The following RIPK4 variants were observed in gnomAD, a reference collection of about 807,000 sequenced individuals.
RIPK4 encodes the protein receptor-interacting serine/threonine-protein kinase 4.
RIPK4 carries 17 observed loss-of-function variants against 42.9 expected under a neutral mutation model. The ratio of observed to expected loss-of-function variants is 0.40; its 90% confidence interval spans 0.27 to 0.59. The LOEUF is 0.59. Ranked by LOEUF, RIPK4 falls within the 20% of genes least tolerant of loss-of-function variation. The pLI is 0.47. For missense variants in RIPK4, 897 were observed against 1,104.4 expected (o/e 0.81, Z 2.66); for synonymous variants, 498 against 499.1 (o/e 1.00, Z 0.03).
intron 2 of RIPK4, among the ~76,000 whole-genome samples, chr21:41,754,949 G>A (rs3850703): frequency 0.099 from 15,039 of 152,280 alleles, 1,006 homozygotes; most frequent in South Asian, 0.2. Context: ...AGAGGCCACC[G>A]TCCACTCTGC....
chr21:41,757,218 A>C (rs751563091), intron 1 of RIPK4, among the ~76,000 whole-genome samples: 8 of 152,168 alleles, frequency 5.3e-5, no homozygotes, highest in Admixed American at 6.5e-5. Context: ...CGTTCCACTC[A>C]AGGTTGTAAC....
chr21:41,749,347 T>A, intron 3 of RIPK4, 144 bp from the exon 4 acceptor site: 1 of 789,160 alleles, frequency 1.3e-6, no homozygotes. Flanking sequence ...CTCCTGTTTT[T>A]AAAAAGAGAA....
At chr21:41,763,773 T>TG (rs1414721763) in intron 1 of RIPK4, among the ~76,000 whole-genome samples, 1 of 152,212 alleles carries the variant, frequency 6.6e-6, no homozygotes, top group African/African-American at 2.4e-5. Flanking sequence ...ACCTGGGGTT[T>TG]GCTCAGGCTC....
In RIPK4 at chr21:41,755,575, A is replaced by G. The variant is rs758204388; in HGVS notation, c.474+950T>C. ...CTGGAAGTGCTGTGCCACCAGGAAC[A>G]GTAGCACAGCCAAGCCAGGCAGGGG... On this transcript the variant is annotated intron_variant, in intron 2 of 7. Coordinates refer to ENST00000332512, the MANE Select transcript of RIPK4 (RefSeq NM_020639.3). This position sits in a 1 kb window ranked among gnomAD's most constrained non-coding sequence, Gnocchi z 4.2. Among the ~76,000 whole-genome samples, 1 of 152,166 alleles carries G rather than the reference A, an allele frequency of 6.6e-6. No individual in the cohort carries two copies. Among genetic ancestry groups the G allele is most frequent in the Non-Finnish European group, 1.5e-5 (1 of 68,016 alleles).
Position 41,741,987 on chromosome 21 carries a change from G to T in RIPK4, c.1206C>A (p.Thr402=). Residue 402 remains threonine (T), a synonymous_variant, in exon 8 of 8, where the codon ACC becomes ACA. Transcript: ENST00000332512. ...EREPSTSDLG[T]TDVQKKKLVD... is the part of the protein sequence containing the mutation. ...CAAGCTTCTTCTTCTGGACGTCTGTGGTGCCCAGATCTGCAGGGAGAGGAG... is the reference window on the plus strand; with the variant it reads ...CAAGCTTCTTCTTCTGGACGTCTGTTGTGCCCAGATCTGCAGGGAGAGGAG... 6.3e-7 allele frequency: 1 copy of T among 1,593,904 alleles called. No individual in the cohort carries two copies. The highest frequency in any genetic ancestry group is 8.6e-7 in the Non-Finnish European group (1 of 1,168,032).
chr21:41,760,786 T>C (rs572188030), intron 1 of RIPK4, among the ~76,000 whole-genome samples: 1 of 152,128 alleles, frequency 6.6e-6, no homozygotes, highest in East Asian at 1.9e-4. Flanking sequence ...AGGTCGAGTG[T>C]GTCTGAATAC....
At chr21:41,766,182 G>GACGGATCAACACCCCGGGCCC (rs2061235602) in intron 1 of RIPK4, among the ~76,000 whole-genome samples, 1 of 152,200 alleles carries the variant, frequency 6.6e-6, no homozygotes, top group African/African-American at 2.4e-5. Flanking sequence ...GCGCTGGGCG[G>GACGGATCAACACCCCGGGCCC]ACGGATCAAC....
At chr21:41,757,101 G>A (rs1320924456) in intron 1 of RIPK4, among the ~76,000 whole-genome samples, 4 of 152,210 alleles carry the variant, frequency 2.6e-5, no homozygotes, top group South Asian at 2.1e-4. Context: ...GGGGGTCCAC[G>A]TGTGTGAATA....
intron 1 of RIPK4, among the ~76,000 whole-genome samples, chr21:41,762,800 C>G (rs925891305): frequency 2.0e-5 from 3 of 150,588 alleles, no homozygotes; most frequent in African/African-American, 7.3e-5. Flanking sequence ...CATTTTAACA[C>G]GTGGAGAGAT....
At chr21:41,744,434 A>C (rs929915794) in intron 6 of RIPK4, among the ~76,000 whole-genome samples, 2 of 152,072 alleles carry the variant, frequency 1.3e-5, no homozygotes, top group African/African-American at 4.8e-5. Context: ...GGATGCTCAG[A>C]CTCTGCACCC....
chr21:41,745,716 G>A (rs367750820), intron 6 of RIPK4, 43 bp downstream of exon 6: 11 of 1,476,648 alleles, frequency 7.4e-6, no homozygotes, highest in Non-Finnish European at 9.5e-6. Flanking sequence ...CTCCTGCCTG[G>A]AAGCCGAGGA....
intron 2 of RIPK4, among the ~76,000 whole-genome samples, chr21:41,756,053 C>T (rs1267243359): frequency 1.3e-5 from 2 of 152,240 alleles, no homozygotes; most frequent in Non-Finnish European, 2.9e-5. Context: ...CCTCACAAGC[C>T]TCTTTCCACA....
intron 1 of RIPK4, among the ~76,000 whole-genome samples, chr21:41,758,027 T>A (rs1329573815): frequency 1.7e-3 from 136 of 78,194 alleles, no homozygotes; most frequent in African/African-American, 9.8e-3. Flanking sequence ...AAAAAATATA[T>A]ATATATATAT....
chr21:41,766,348 CTAAG>C (rs1243501145), intron 1 of RIPK4, among the ~76,000 whole-genome samples: 3 of 152,236 alleles, frequency 2.0e-5, no homozygotes, highest in Non-Finnish European at 4.4e-5. Context: ...ACGTAAATTA[CTAAG>C]TAAGTCGAAC....
Position 41,745,753 on chromosome 21 carries a change from C to T in RIPK4, c.936+6G>A, listed in dbSNP as rs199827829. On this transcript the variant is annotated splice_donor_region_variant and intron_variant, in intron 6 of 7. Transcript: ENST00000332512. Reference sequence around the variant, plus strand: ...ACAAAAGACCCCTGTGGGAAGGACTCGTTACCTCGCTCCTGGGCTCCGGGG... The same window carrying T: ...ACAAAAGACCCCTGTGGGAAGGACTTGTTACCTCGCTCCTGGGCTCCGGGG... 5.5e-4 allele frequency: 891 copies of T among 1,611,740 alleles called. No individual in the cohort carries two copies. The highest frequency in any genetic ancestry group is 7.0e-4 in the Non-Finnish European group (827 of 1,178,078).
intron 1 of RIPK4, among the ~76,000 whole-genome samples, chr21:41,764,798 C>T (rs1041354341): frequency 6.6e-6 from 1 of 152,154 alleles, no homozygotes; most frequent in Admixed American, 6.5e-5. Flanking sequence ...AGGGTTTGAC[C>T]AACTTCTCAG....
intron 7 of RIPK4, among the ~76,000 whole-genome samples, chr21:41,743,233 G>C (rs568504022): frequency 6.8e-4 from 104 of 152,236 alleles, no homozygotes; most frequent in Non-Finnish European, 1.1e-3. Context: ...TCTTACCCCT[G>C]CAGCCGGCAG....
At position 41,741,505 on chromosome 21, in the gene RIPK4, A is replaced by G; in HGVS notation, c.1688T>C (p.Val563Ala). The change falls in exon 8 of 8, where the codon GTG becomes GCG. Residue 563 changes from valine (V) to alanine (A), a missense_variant. Physicochemically the swap from Val to Ala is moderately conservative, Grantham distance 64. Coordinates refer to ENST00000332512, the MANE Select transcript of RIPK4 (RefSeq NM_020639.3). The stretch of plus-strand genomic sequence containing the variant: ...CCAGGCATCCTTGCCCTGCAGGCTC[A>G]CGTCCACGCCTCGGCGCAGCAGGAT... The part of the protein sequence containing the change: ...VRILLRRGVD[V>A]SLQGKDAWLP... 1.9e-6 allele frequency: 3 copies of G among 1,612,540 alleles called. No individual in the cohort carries two copies. The highest frequency in any genetic ancestry group is 2.5e-6 in the Non-Finnish European group (3 of 1,179,944).
Position 41,742,050 on chromosome 21 carries a change from T to C in RIPK4, c.1196-53A>G. On this transcript the variant is annotated intron_variant, in intron 7 of 7. Coordinates refer to ENST00000332512, the MANE Select transcript of RIPK4 (RefSeq NM_020639.3). This position sits in a 1 kb window ranked among gnomAD's most constrained non-coding sequence, Gnocchi z 5.1. ...GAGCGTGGCTGCACATCCAGGGACG[T>C]GGCGTCTCTGGGAGCCTGGCTGTGG... The C allele has an allele frequency of 6.8e-7, 1 of 1,465,484 alleles. No individual in the cohort carries two copies. Among genetic ancestry groups the C allele is most frequent in the Non-Finnish European group, 9.2e-7 (1 of 1,085,290 alleles). 90.8% of individuals were successfully genotyped at this position (1,465,484 alleles called of 1,614,324 possible). A position where few individuals can be genotyped will look rare whatever the true frequency, so the allele number is the denominator to read the frequency against.
Sources: gnomAD v4.1 joint callset for allele counts (sites outside exome capture counted in the v4.1 genomes callset) on GRCh38, gnomAD v4.1.1 for gene constraint, Gnocchi (gnomAD v3.1) non-coding constraint, MANE v1.5 for transcripts, NCBI Gene and HGNC (gene_info 2026-07-23, HGNC 2026-07-21) for gene names.